VRK2: variants seen among roughly 807,000 people sequenced by gnomAD.
VRK2 encodes VRK serine/threonine kinase 2.
Under a neutral mutation model 57.6 loss-of-function variants are expected in VRK2, and 60 were observed. The ratio of observed to expected loss-of-function variants is 1.04; its 90% CI spans 0.85 to 1.29. VRK2 has a LOEUF of 1.29. Ranked by LOEUF, VRK2 falls within the 50% of genes most tolerant of loss-of-function variation. VRK2 has a pLI of 0.00. For missense variants in VRK2, 705 were observed against 588.1 expected, an observed-to-expected ratio of 1.20 and a Z score of -2.06; for synonymous variants, 231 against 199.2, an observed-to-expected ratio of 1.16 and a Z score of -1.35.
upstream of VRK2, among the ~76,000 whole-genome samples, chr2:58,042,267 A>C (rs1004109535): frequency 6.6e-6 from 1 of 152,216 alleles, no homozygotes; most frequent in African/African-American, 2.4e-5. Flanking sequence ...TTATATGTAA[A>C]GAATGCAGAG....
At chr2:58,114,120 T>A (rs1344089604) in intron 7 of VRK2, among the ~76,000 whole-genome samples, 1 of 152,046 alleles carries the variant, frequency 6.6e-6, no homozygotes, top group East Asian at 1.9e-4. Context: ...GGATACGGTT[T>A]TGTATGAATT....
intron 1 of VRK2, among the ~76,000 whole-genome samples, chr2:57,940,561 T>A (rs1312680258): frequency 1.1e-5 from 1 of 88,918 alleles, no homozygotes; most frequent in Non-Finnish European, 2.3e-5. Flanking sequence ...ACAGTCTATT[T>A]AGAAAGAGCA....
intron 1 of VRK2, among the ~76,000 whole-genome samples, chr2:57,940,041 A>C (rs1371408400): frequency 6.6e-6 from 1 of 152,190 alleles, no homozygotes; most frequent in Non-Finnish European, 1.5e-5. Context: ...GATATCTTAT[A>C]CTTTCATAAA....
chr2:57,959,919 C>T (rs547077933), intron 1 of VRK2, among the ~76,000 whole-genome samples: 2 of 152,044 alleles, frequency 1.3e-5, no homozygotes, highest in Admixed American at 1.3e-4. Context: ...TTTGTTAGAA[C>T]TCACTTGTGA....
intron 1 of VRK2, among the ~76,000 whole-genome samples, chr2:57,966,177 T>G (rs1441046440): frequency 6.6e-6 from 1 of 152,186 alleles, no homozygotes; most frequent in African/African-American, 2.4e-5. Flanking sequence ...TGTGTCATCA[T>G]TGTACTGCCT....
Position 58,075,291 on chromosome 2 carries a change from C to T in VRK2, c.137-8798C>T, listed in dbSNP as rs182510351. 1.3e-3 allele frequency among the ~76,000 whole-genome samples: 201 copies of T among 152,114 alleles called. 1 individual carries two copies. The highest frequency in any genetic ancestry group is 2.5e-3 in the Non-Finnish European group (169 of 67,974). On this transcript the variant is annotated intron_variant, in intron 2 of 12. Transcript: ENST00000340157. Reference sequence around the variant, plus strand: ...TACCACACTTTCTTTATATAGTTCACCATTGATGGACATCTAGGTTGATCT... The same window carrying T: ...TACCACACTTTCTTTATATAGTTCATCATTGATGGACATCTAGGTTGATCT...
At chr2:57,949,387 T>G (rs1011181245) in intron 1 of VRK2, among the ~76,000 whole-genome samples, 3 of 152,216 alleles carry the variant, frequency 2.0e-5, no homozygotes, top group Non-Finnish European at 4.4e-5. Flanking sequence ...CTGTATCACA[T>G]TTTGGTAACT....
chr2:58,134,216 A>T (rs1679635133), intron 9 of VRK2, among the ~76,000 whole-genome samples: 1 of 152,122 alleles, frequency 6.6e-6, no homozygotes, highest in Non-Finnish European at 1.5e-5. Context: ...TACCCCAAGC[A>T]AGGCATTAAA....
chr2:57,973,107 A>G (rs1355321120), intron 1 of VRK2, among the ~76,000 whole-genome samples: 1 of 151,842 alleles, frequency 6.6e-6, no homozygotes, highest in African/African-American at 2.4e-5. Flanking sequence ...ATTTTCTTCC[A>G]TAGGGATTGT....
At chr2:57,921,706 AGAT>A (rs758728349) in intron 1 of VRK2, among the ~76,000 whole-genome samples, 2 of 152,136 alleles carry the variant, frequency 1.3e-5, no homozygotes, top group Non-Finnish European at 2.9e-5. Context: ...TTCCCAGTAA[AGAT>A]GATATGTGTG....
chr2:57,960,672 C>T (rs1671730613), intron 1 of VRK2, among the ~76,000 whole-genome samples: 1 of 152,198 alleles, frequency 6.6e-6, no homozygotes, highest in African/African-American at 2.4e-5. Context: ...TGGATAGATG[C>T]CATCTCCTTT....
At position 57,934,931 on chromosome 2, in the gene VRK2, T is replaced by C. The variant is rs542669326; in HGVS notation, c.-439+27092T>C. Among the ~76,000 whole-genome samples the C allele has an allele frequency of 3.3e-5, 5 of 152,334 alleles. 1 individual carries two copies. The South Asian group carries it at 1.0e-3, about 32-fold the overall frequency. On this transcript the variant is annotated intron_variant, in intron 1 of 15. Transcript: ENST00000417641. ...TTTCTGTTTGGCTTGTTTTGATGAT[T>C]TCTATTTTTTAATTGAATTTCTTGT...
At chr2:57,920,753 A>G (rs1029371309) in intron 1 of VRK2, among the ~76,000 whole-genome samples, 1 of 152,030 alleles carries the variant, frequency 6.6e-6, no homozygotes, top group Non-Finnish European at 1.5e-5. Context: ...TTCAGTACCT[A>G]TTTGGTTGCA....
At chr2:58,047,097 G>T in intron 1 of VRK2, 1 of 566,268 alleles carries the variant, frequency 1.8e-6, no homozygotes, top group Non-Finnish European at 2.2e-6. Flanking sequence ...ACTCACGTTT[G>T]CCAAAAGCGG....
chr2:57,926,605 T>C (rs1409313940), intron 1 of VRK2, among the ~76,000 whole-genome samples: 1 of 151,766 alleles, frequency 6.6e-6, no homozygotes, highest in Non-Finnish European at 1.5e-5. Flanking sequence ...ATGACCTTAT[T>C]GTTGGCCTCT....
intron 1 of VRK2, among the ~76,000 whole-genome samples, chr2:57,941,958 G>T (rs1266214979): frequency 6.6e-6 from 1 of 152,082 alleles, no homozygotes; most frequent in African/African-American, 2.4e-5. Context: ...AATATATTTT[G>T]CCCACTTAAA....
chr2:57,970,078 T>C (rs969945783), intron 1 of VRK2, among the ~76,000 whole-genome samples: 1 of 150,816 alleles, frequency 6.6e-6, no homozygotes, highest in East Asian at 1.9e-4. Context: ...ACAAAGGGCA[T>C]ATAAAATGTA....
intron 1 of VRK2, among the ~76,000 whole-genome samples, chr2:58,021,525 A>G (rs1673755573): frequency 6.6e-6 from 1 of 152,224 alleles, no homozygotes; most frequent in South Asian, 2.1e-4. Context: ...CAAATTAGCC[A>G]AAAATACTAT....
intron 1 of VRK2, chr2:58,025,580 G>T (rs1162819096): frequency 6.6e-6 from 1 of 152,026 alleles, no homozygotes. Flanking sequence ...TATAAATTTT[G>T]CTCATTCATA....
Sources: gnomAD v4.1 joint callset for allele counts (sites outside exome capture counted in the v4.1 genomes callset) on GRCh38, gnomAD v4.1.1 for gene constraint, MANE v1.5 for transcripts, NCBI Gene and HGNC (gene_info 2026-07-23, HGNC 2026-07-21) for gene names.